The following VAV3 variants were observed in gnomAD, a reference collection of about 807,000 sequenced individuals.
The protein encoded by VAV3 is vav guanine nucleotide exchange factor 3, also known as guanine nucleotide exchange factor VAV3.
Under a neutral mutation model 131.2 loss-of-function variants are expected in VAV3, and 94 were observed. The ratio of observed to expected loss-of-function variants is 0.72; its 90% CI spans 0.61 to 0.85. VAV3 has a LOEUF of 0.85. Ranked by LOEUF, VAV3 falls within the 40% of genes least tolerant of loss-of-function variation. The pLI is 0.00. For synonymous variants in VAV3, 349 were observed against 342.0 expected (o/e 1.02, Z -0.22); for missense variants, 939 against 1,002.7 (o/e 0.94, Z 0.86).
intron 1 of VAV3, among the ~76,000 whole-genome samples, chr1:107,881,133 G>A (rs1260506692): frequency 6.6e-6 from 1 of 152,128 alleles, no homozygotes; most frequent in African/African-American, 2.4e-5. Flanking sequence ...AGAATTAAAT[G>A]TTTTTCTTCT....
intron 20 of VAV3, among the ~76,000 whole-genome samples, chr1:107,639,375 G>C (rs113321656): frequency 0.017 from 2,256 of 135,704 alleles, 20 homozygotes; most frequent in Middle Eastern, 0.056. Flanking sequence ...ACATTATCAA[G>C]AGAATAAAAA....
intron 2 of VAV3, among the ~76,000 whole-genome samples, chr1:107,852,666 T>G (rs951312311): frequency 2.0e-5 from 3 of 152,216 alleles, no homozygotes; most frequent in African/African-American, 7.2e-5. Context: ...TTGTTAGTTT[T>G]TATTCCAAAT....
chr1:107,636,348 A>G (rs924747010), intron 20 of VAV3, among the ~76,000 whole-genome samples: 1 of 152,220 alleles, frequency 6.6e-6, no homozygotes, highest in African/African-American at 2.4e-5. Flanking sequence ...TAAATATTTC[A>G]AAGCTAATTA....
chr1:107,716,706 T>C (rs907356092), intron 15 of VAV3, among the ~76,000 whole-genome samples: 4 of 152,128 alleles, frequency 2.6e-5, no homozygotes, highest in Non-Finnish European at 5.9e-5. Flanking sequence ...TTTTTGTTGT[T>C]GTTGTGTCTC....
intron 6 of VAV3, among the ~76,000 whole-genome samples, chr1:107,769,845 G>T (rs954769424): frequency 6.6e-6 from 1 of 151,742 alleles, no homozygotes; most frequent in Admixed American, 6.6e-5. Context: ...CATCCAATCC[G>T]GTTGGTTCTA....
At chr1:107,889,963 A>T (rs1671236579) in intron 1 of VAV3, among the ~76,000 whole-genome samples, 1 of 152,220 alleles carries the variant, frequency 6.6e-6, no homozygotes. Context: ...ACAGAATTTG[A>T]GATAATCTAT....
chr1:107,574,969 G>C (rs1341496403), intron 25 of VAV3, among the ~76,000 whole-genome samples: 1 of 24,938 alleles, frequency 4.0e-5, no homozygotes, highest in African/African-American at 8.3e-5. Flanking sequence ...TTCTCTGTGT[G>C]TGTGTGTGTG....
chr1:107,843,418 C>T (rs1668816509), intron 2 of VAV3, among the ~76,000 whole-genome samples: 1 of 146,464 alleles, frequency 6.8e-6, no homozygotes, highest in Admixed American at 6.9e-5. Flanking sequence ...ATTATCAGTT[C>T]TAGTGGTAGC....
At chr1:107,922,751 G>A (rs900874518) in intron 1 of VAV3, among the ~76,000 whole-genome samples, 2 of 151,452 alleles carry the variant, frequency 1.3e-5, no homozygotes, top group Non-Finnish European at 3.0e-5. Flanking sequence ...AGGAGATCGA[G>A]ACCATCCTGG....
At chr1:107,790,804 C>G (rs763523145) in intron 2 of VAV3, among the ~76,000 whole-genome samples, 11 of 150,394 alleles carry the variant, frequency 7.3e-5, no homozygotes, top group Admixed American at 3.3e-4. Context: ...TCTCCTGCCT[C>G]AGCCTCCTGA....
chr1:107,651,230 T>G (rs1026241635), intron 19 of VAV3, among the ~76,000 whole-genome samples: 3 of 152,052 alleles, frequency 2.0e-5, no homozygotes, highest in African/African-American at 7.2e-5. Context: ...AACCACAGAG[T>G]CTATGGTATT....
intron 2 of VAV3, among the ~76,000 whole-genome samples, chr1:107,800,363 C>T (rs1164621929): frequency 1.1e-4 from 17 of 152,022 alleles, no homozygotes; most frequent in Admixed American, 2.6e-4. Flanking sequence ...TCCATTATTC[C>T]CTGCCCTTGT....
chr1:107,633,714 C>T (rs4914951), intron 20 of VAV3, among the ~76,000 whole-genome samples: 55,668 of 151,914 alleles, frequency 0.37, 10,599 homozygotes, highest in East Asian at 0.48. Flanking sequence ...TAAGAAGGTC[C>T]AGCAGTTTCC....
intron 25 of VAV3, among the ~76,000 whole-genome samples, chr1:107,580,249 G>A (rs1159378168): frequency 6.6e-6 from 1 of 152,102 alleles, no homozygotes; most frequent in Non-Finnish European, 1.5e-5. Flanking sequence ...AGTTCCTTAT[G>A]TCTCCTCCTT....
chr1:107,648,201 T>C lies in VAV3; in HGVS notation c.1778-5446A>G, dbSNP rs548097017. 2.0e-5 allele frequency among the ~76,000 whole-genome samples: 3 copies of C among 152,160 alleles called. No homozygotes were observed. In the East Asian group the frequency reaches 5.8e-4, roughly 29 times the overall value. On this transcript the variant is annotated intron_variant, in intron 19 of 26. Transcript: ENST00000370056. ...ATGACTCAAATAATGGAAATAGCAC[T>C]GTCACAGCTCATATAAAAACAAGGA...
intron 1 of VAV3, among the ~76,000 whole-genome samples, chr1:107,878,984 C>A (rs904958263): frequency 1.3e-5 from 2 of 152,142 alleles, no homozygotes; most frequent in African/African-American, 2.4e-5. Context: ...AAAAGCTTCC[C>A]CTGACCTCCC....
intron 20 of VAV3, among the ~76,000 whole-genome samples, chr1:107,626,969 T>C (rs1409619210): frequency 1.3e-5 from 2 of 152,192 alleles, no homozygotes; most frequent in African/African-American, 4.8e-5. Context: ...GGAGCTAATA[T>C]TGTTGTGTGG....
At chr1:107,584,658 T>C (rs1214564370) in intron 25 of VAV3, among the ~76,000 whole-genome samples, 3 of 152,218 alleles carry the variant, frequency 2.0e-5, no homozygotes, top group Admixed American at 2.0e-4. Context: ...ATCTGGTAAG[T>C]AGACAAATTT....
intron 19 of VAV3, among the ~76,000 whole-genome samples, chr1:107,652,111 G>A (rs775839890): frequency 6.6e-6 from 1 of 152,142 alleles, no homozygotes; most frequent in Non-Finnish European, 1.5e-5. Flanking sequence ...ACGCTAGGAG[G>A]TCAGCACAAG....
Sources: gnomAD v4.1 joint callset for allele counts (sites outside exome capture counted in the v4.1 genomes callset) on GRCh38, gnomAD v4.1.1 for gene constraint, MANE v1.5 for transcripts, NCBI Gene and HGNC (gene_info 2026-07-23, HGNC 2026-07-21) for gene names.